SDHC: variants seen among roughly 807,000 people sequenced by gnomAD.
The protein encoded by SDHC is succinate dehydrogenase complex subunit C, also known as succinate dehydrogenase cytochrome b560 subunit, mitochondrial.
Under a neutral mutation model 22.6 loss-of-function variants are expected in SDHC, and 11 were observed. That is an observed-to-expected ratio of 0.49 (90% CI 0.31 to 0.81). The LOEUF (loss-of-function observed/expected upper bound fraction) is 0.81. SDHC is among the 30% of genes least tolerant of loss of function. The probability of loss-of-function intolerance (pLI) is 0.05; values close to 1 mark genes in which losing one functional copy is unlikely to be tolerated. For missense variants in SDHC, 160 were observed against 212.0 expected (o/e 0.75, Z 1.52); for synonymous variants, 80 against 77.8 (o/e 1.03, Z -0.15).
At chr1:161,340,336 A>T (rs545319161) in intron 3 of SDHC, among the ~76,000 whole-genome samples, 1 of 147,408 alleles carries the variant, frequency 6.8e-6, no homozygotes, top group East Asian at 2.1e-4. Flanking sequence ...AAAGCTGGTG[A>T]TTTTTTGTTT....
At chr1:161,361,511 A>G (rs116671817) in intron 5 of SDHC, among the ~76,000 whole-genome samples, 3,005 of 152,160 alleles carry the variant, frequency 0.02, 78 homozygotes, top group African/African-American at 0.065. Context: ...CAGGCATATT[A>G]TATCTCTCTT....
intron 3 of SDHC, among the ~76,000 whole-genome samples, chr1:161,330,726 G>A (rs747371001): frequency 3.3e-5 from 5 of 152,112 alleles, no homozygotes; most frequent in East Asian, 1.9e-4. Flanking sequence ...GGGACCAGGC[G>A]CGATGGCTCA....
At chr1:161,348,871 C>T (rs1373178696) in intron 4 of SDHC, among the ~76,000 whole-genome samples, 1 of 151,064 alleles carries the variant, frequency 6.6e-6, no homozygotes, top group East Asian at 2.0e-4. Context: ...CAGGATTTTT[C>T]ATAGTGACAG....
chr1:161,334,089 T>C (rs1488751168), intron 3 of SDHC, among the ~76,000 whole-genome samples: 1 of 152,230 alleles, frequency 6.6e-6, no homozygotes, highest in African/African-American at 2.4e-5. Flanking sequence ...AAGATCTCCC[T>C]GGGCTAAAAT....
intron 3 of SDHC, chr1:161,339,701 T>G (rs1671650539): frequency 3.0e-6 from 1 of 338,932 alleles, no homozygotes. Context: ...GGAGACAGAG[T>G]TTCACTCTTG....
chr1:161,357,150 C>G (rs61447446), intron 5 of SDHC, among the ~76,000 whole-genome samples: 1 of 151,926 alleles, frequency 6.6e-6, no homozygotes, highest in Non-Finnish European at 1.5e-5. Flanking sequence ...TGGTCTCAAA[C>G]TCCTGGCCTT....
intron 1 of SDHC, among the ~76,000 whole-genome samples, chr1:161,316,143 G>A (rs945133732): frequency 6.6e-6 from 1 of 151,930 alleles, no homozygotes; most frequent in Non-Finnish European, 1.5e-5. Context: ...ATTGCCCAGG[G>A]ATGATCAGGA....
chr1:161,327,826 T>A (rs1054152452), intron 2 of SDHC, among the ~76,000 whole-genome samples: 5 of 152,214 alleles, frequency 3.3e-5, no homozygotes, highest in Admixed American at 2.0e-4. Flanking sequence ...TCTCCCAAAG[T>A]GCTGGGATTA....
intron 3 of SDHC, among the ~76,000 whole-genome samples, chr1:161,329,260 A>G (rs751368162): frequency 5.3e-5 from 8 of 152,110 alleles, no homozygotes; most frequent in Non-Finnish European, 1.2e-4. Context: ...GCTGCTTAAC[A>G]TGTCTGAATG....
intron 1 of SDHC, among the ~76,000 whole-genome samples, chr1:161,317,775 G>T (rs1670681915): frequency 6.6e-6 from 1 of 150,896 alleles, no homozygotes; most frequent in Admixed American, 6.6e-5. Flanking sequence ...TGATCAGGCT[G>T]GTCTTGAACT....
Position 161,356,685 on chromosome 1 carries a change from C to A in SDHC, c.250C>A (p.Leu84Ile), listed in dbSNP as rs942160050. 6.2e-7 allele frequency: 1 copy of A among 1,613,966 alleles called. No homozygotes were observed. The highest frequency in any genetic ancestry group is 1.3e-5 in the African/African-American group (1 of 75,044). ...TGIALSAGVS[L>I]FGMSALLLPG... ...CTTGGTTTTCTCCTCAGGGGTCTCT[C>A]TTTTTGGCATGTCGGCCCTGTTACT... Residue 84 changes from leucine (L) to isoleucine (I), a missense_variant, in exon 5 of 6, where the codon CTT becomes ATT. This residue lies in a region of SDHC where 74 missense variants were observed against 128.6 expected (regional missense o/e 0.58). Transcript: ENST00000367975.
chr1:161,361,142 A>T (rs975475635), intron 5 of SDHC, among the ~76,000 whole-genome samples: 3 of 152,028 alleles, frequency 2.0e-5, no homozygotes, highest in African/African-American at 7.2e-5. Context: ...GCAGGAGGAT[A>T]GCTTGAGTCC....
At chr1:161,329,856 A>G (rs1365591314) in intron 3 of SDHC, among the ~76,000 whole-genome samples, 3 of 151,882 alleles carry the variant, frequency 2.0e-5, no homozygotes, top group Middle Eastern at 3.2e-3. Flanking sequence ...TTCTTTTTCT[A>G]TTTTCAAAGC....
chr1:161,359,259 A>G (rs2102377514), intron 5 of SDHC, among the ~76,000 whole-genome samples: 1 of 152,272 alleles, frequency 6.6e-6, no homozygotes, highest in Admixed American at 6.5e-5. Flanking sequence ...TTACTTCCAA[A>G]TCATAGCCTT....
At position 161,355,984 on chromosome 1, in the gene SDHC, C is replaced by CA. The variant is rs60684612; in HGVS notation, c.242-673dup. Among the ~76,000 whole-genome samples, 790 of 87,974 alleles carry CA rather than the reference C, an allele frequency of 9.0e-3. 8 individuals carry two copies. Among genetic ancestry groups the CA allele is most frequent in the Non-Finnish European group, 0.012 (489 of 41,476 alleles). The allele number at this position is 87,974 out of a possible 152,430, so 57.7% of individuals were successfully genotyped here. ...TGGGCAACAGAGCGAGACTCTGTCT[C>CA]AAAAAAAAAAAAAAAAAAAAGAGAA... On this transcript the variant is annotated intron_variant, in intron 4 of 5. Coordinates refer to ENST00000367975, the MANE Select transcript of SDHC (RefSeq NM_003001.5).
chr1:161,331,656 C>T (rs112762992), intron 3 of SDHC, among the ~76,000 whole-genome samples: 5,537 of 148,914 alleles, frequency 0.037, 105 homozygotes, highest in African/African-American at 0.045. Context: ...AATGCAGTGG[C>T]GCAGTCCCGG....
chr1:161,348,666 C>CAAAA (rs1159653901), intron 4 of SDHC, among the ~76,000 whole-genome samples: 1,100 of 70,842 alleles, frequency 0.016, 11 homozygotes, highest in African/African-American at 0.046. Context: ...ACTAAAAATC[C>CAAAA]AAAAAAAAAA....
intron 2 of SDHC, among the ~76,000 whole-genome samples, chr1:161,325,146 G>A (rs968167442): frequency 3.3e-5 from 5 of 152,106 alleles, no homozygotes; most frequent in African/African-American, 1.2e-4. Context: ...GTTCAAGGTT[G>A]TGGTGAGCTA....
chr1:161,353,439 G>C lies in SDHC; in HGVS notation c.242-3238G>C, dbSNP rs545469541. The stretch of plus-strand genomic sequence containing the variant: ...TCCTATCAAAACTACCAAAAGAGGG[G>C]TTCCTGCAGTCTTCTATAATAGCTT... On this transcript the variant is annotated intron_variant, in intron 4 of 5. Transcript: ENST00000367975. Among the ~76,000 whole-genome samples the C allele has an allele frequency of 1.6e-3, 241 of 152,202 alleles. 1 individual carries two copies. The highest frequency in any genetic ancestry group is 5.6e-3 in the African/African-American group (232 of 41,514).
Sources: gnomAD v4.1 joint callset for allele counts (sites outside exome capture counted in the v4.1 genomes callset) on GRCh38, gnomAD v4.1.1 for gene constraint, gnomAD v4.1.1 regional missense constraint, MANE v1.5 for transcripts, NCBI Gene and HGNC (gene_info 2026-07-23, HGNC 2026-07-21) for gene names.